The following FCER2 variants were observed in gnomAD, a reference collection of about 807,000 sequenced individuals.
The protein encoded by FCER2 is Fc epsilon receptor II, also known as low affinity immunoglobulin epsilon Fc receptor.
A neutral mutation model predicts 49.7 loss-of-function variants in FCER2; 38 were observed. The observed-to-expected ratio is 0.76, with a 90% CI of 0.59 to 1.00. FCER2 has a LOEUF of 1.00. Ranked by LOEUF, FCER2 falls within the 50% of genes least tolerant of loss-of-function variation. The pLI is 0.00. For synonymous variants in FCER2, 163 were observed against 164.6 expected (o/e 0.99, Z 0.07); for missense variants, 425 against 419.5 (o/e 1.01, Z -0.11).
At position 7,697,070 on chromosome 19, in the gene FCER2, C is replaced by G. The variant is rs1473665157; in HGVS notation, c.322G>C (p.Glu108Gln). 2 of 1,613,432 alleles carry G rather than the reference C, an allele frequency of 1.2e-6. No homozygotes were observed. The highest frequency in any genetic ancestry group is 4.5e-5 in the East Asian group (2 of 44,854). Residue 108 changes from glutamate to glutamine, a missense_variant, in exon 7 of 11, where the codon GAG (glutamate) becomes CAG (glutamine). Glu to Gln is a conservative substitution (Grantham distance 29). Transcript: ENST00000597921. Reference sequence around the variant, plus strand: ...AGCCCGTTCAGGTTCCAGGACAGCTCCAAGTCTGGTGTGTGCAGGAGCGCA... The same window carrying G: ...AGCCCGTTCAGGTTCCAGGACAGCTGCAAGTCTGGTGTGTGCAGGAGCGCA... ...EQQRLKSQDLELSWNLNGLQA... is the reference protein window; with the variant it reads ...EQQRLKSQDLQLSWNLNGLQA...
intron 8 of FCER2, among the ~76,000 whole-genome samples, chr19:7,695,714 C>G (rs2032992218): frequency 6.6e-6 from 1 of 152,050 alleles, no homozygotes. Context: ...TCCAGGAGTT[C>G]AAGACCAACC....
rs1240074986 is a variant in FCER2 at position 7,692,034 on chromosome 19, A to T, written c.470-1477T>A. 1.1e-4 allele frequency among the ~76,000 whole-genome samples: 17 copies of T among 151,674 alleles called. 4 individuals are homozygous for T. Among genetic ancestry groups the T allele is most frequent in the Admixed American group, 1.1e-3 (17 of 15,206 alleles). On this transcript the variant is annotated intron_variant, in intron 8 of 10. Coordinates refer to ENST00000597921, the MANE Select transcript of FCER2 (RefSeq NM_001220500.2). Reference sequence around the variant, plus strand: ...CATCAGCACGAATACATTCACGTCCAACAACACATCAACTACCAACACCAT... The same window carrying T: ...CATCAGCACGAATACATTCACGTCCTACAACACATCAACTACCAACACCAT...
At chr19:7,698,926 A>G in intron 2 of FCER2, 72 bp from the exon 3 acceptor site, 2 of 1,492,570 alleles carry the variant, frequency 1.3e-6, no homozygotes, top group Non-Finnish European at 1.8e-6. Context: ...TCTCTCCATT[A>G]CCCAGAGCCC....
At chr19:7,696,490 C>A (rs1245179109) in intron 8 of FCER2, among the ~76,000 whole-genome samples, 1 of 152,150 alleles carries the variant, frequency 6.6e-6, no homozygotes, top group East Asian at 1.9e-4. Context: ...CCCGCCTCGG[C>A]CTCTCAAAGT....
intron 8 of FCER2, among the ~76,000 whole-genome samples, chr19:7,692,541 A>G (rs76839380): frequency 0.26 from 29,242 of 110,940 alleles, 7,751 homozygotes; most frequent in African/African-American, 0.46. Flanking sequence ...CAACACCAGC[A>G]CCATGAACAC....
At chr19:7,700,168 G>A (rs1265341038) in intron 1 of FCER2, 1 of 184,070 alleles carries the variant, frequency 5.4e-6, no homozygotes, top group African/African-American at 2.4e-5. Context: ...CTATACTGTT[G>A]GTTGGTGATC....
chr19:7,689,906 C>T (rs1251705373), intron 10 of FCER2, among the ~76,000 whole-genome samples: 1 of 152,022 alleles, frequency 6.6e-6, no homozygotes, highest in Non-Finnish European at 1.5e-5. Context: ...ACGAGCCACC[C>T]TGCCCGGCCA....
intron 8 of FCER2, among the ~76,000 whole-genome samples, chr19:7,691,268 C>T (rs1388137699): frequency 2.0e-5 from 3 of 152,182 alleles, no homozygotes; most frequent in African/African-American, 7.2e-5. Context: ...TGGCCAGAAG[C>T]ACTTCAGTTG....
chr19:7,697,124 G>T, intron 6 of FCER2, 49 bp from the exon 7 acceptor site: 2 of 1,609,924 alleles, frequency 1.2e-6, no homozygotes, highest in Non-Finnish European at 8.5e-7. Flanking sequence ...ATGTGTACAG[G>T]CCGAGGGTGC....
chr19:7,689,818 C>T (rs1377694482), intron 10 of FCER2, among the ~76,000 whole-genome samples: 1 of 151,976 alleles, frequency 6.6e-6, no homozygotes, highest in East Asian at 1.9e-4. Flanking sequence ...GGGGTTTCGC[C>T]ATGTTGACCA....
chr19:7,689,478 C>G (rs2032799566), intron 10 of FCER2, 48 bp from the exon 11 acceptor site: 1 of 1,270,036 alleles, frequency 7.9e-7, no homozygotes, highest in South Asian at 1.3e-5. Context: ...GAGAAGGAGC[C>G]CAGTTCCCGG....
At position 7,698,724 on chromosome 19, in the gene FCER2, G is replaced by A; in HGVS notation, c.136+17C>T. 2.5e-6 allele frequency: 4 copies of A among 1,609,816 alleles called. No individual in the cohort carries two copies. The highest frequency in any genetic ancestry group is 2.5e-6 in the Non-Finnish European group (3 of 1,178,580). ...CCATGAGTTGGGGGGACCACATGGA[G>A]CTGGGGGTGTCCTCACGCCACAGGA... On this transcript the variant is annotated intron_variant, in intron 3 of 10. Transcript: ENST00000597921.
In FCER2 at chr19:7,699,735, C is replaced by G; in HGVS notation, c.22+4G>C. On this transcript the variant is annotated splice_donor_region_variant and intron_variant, in intron 2 of 10. Transcript: ENST00000597921. ...CCAACGTTAGAACCAGAGAGTCCTC[C>G]TACCTGAATATTGACCTTCCTCCAT... 6.2e-7 allele frequency: 1 copy of G among 1,613,768 alleles called. No homozygotes were observed. Among genetic ancestry groups the G allele is most frequent in the Non-Finnish European group, 8.5e-7 (1 of 1,179,698 alleles).
rs1463856756 is a variant in FCER2 at position 7,696,914 on chromosome 19, TC to T, written c.380-1del. The T allele has an allele frequency of 8.2e-6, 13 of 1,578,476 alleles. No individual in the cohort carries two copies. Among genetic ancestry groups the T allele is most frequent in the Non-Finnish European group, 1.1e-5 (13 of 1,161,208 alleles). On this transcript the variant is annotated splice_acceptor_variant, in intron 7 of 10. Transcript: ENST00000597921. LOFTEE classifies it high-confidence loss of function. ...TGAAGCTTCGTTCCTCTCGTTCAAT[TC>T]TTGGGGAGTCAACAAGGGGCGGTGC...
chr19:7,701,180 G>T (rs1357866999), intron 1 of FCER2, among the ~76,000 whole-genome samples: 1 of 152,192 alleles, frequency 6.6e-6, no homozygotes, highest in Non-Finnish European at 1.5e-5. Flanking sequence ...AGGCCTGGAG[G>T]TCACGGGCTA....
At chr19:7,699,981 G>T in intron 1 of FCER2, 136 bp from the exon 2 acceptor site, 1 of 598,816 alleles carries the variant, frequency 1.7e-6, no homozygotes, top group East Asian at 2.8e-5. Context: ...TCACTAGCGT[G>T]GTTAGCAGGG....
chr19:7,689,398 C>A lies in FCER2; in HGVS notation c.761G>T (p.Ser254Ile). 2 of 1,602,298 alleles carry A rather than the reference C, an allele frequency of 1.2e-6. No homozygotes were observed. The highest frequency in any genetic ancestry group is 3.4e-5 in the Admixed American group (2 of 58,738). The change falls in exon 11 of 11, where the codon AGC becomes ATC. Residue 254 changes from serine to isoleucine, a missense_variant. Physicochemically the swap from Ser to Ile is moderately radical, Grantham distance 142. Coordinates refer to ENST00000597921, the MANE Select transcript of FCER2 (RefSeq NM_001220500.2). ...NWAPGEPTSRSQGEDCVMMRG... is the reference protein window; with the variant it reads ...NWAPGEPTSRIQGEDCVMMRG... ...CATCATCACGCAGTCCTCGCCCTGG[C>A]TCCGGCTGGTGGGCTCCCCTGGAGC...
intron 8 of FCER2, 39 bp downstream of exon 8, chr19:7,696,786 A>G: frequency 6.8e-7 from 1 of 1,476,036 alleles, no homozygotes; most frequent in Non-Finnish European, 9.3e-7. Flanking sequence ...GCCCCAGGTG[A>G]GGTCACGCGT....
chr19:7,696,140 G>A (rs28731029), intron 8 of FCER2, among the ~76,000 whole-genome samples: 47,877 of 151,044 alleles, frequency 0.32, 7,919 homozygotes, highest in African/African-American at 0.41. Flanking sequence ...TCGCTCTGTC[G>A]CCAGGCTGGA....
Sources: gnomAD v4.1 joint callset for allele counts (sites outside exome capture counted in the v4.1 genomes callset) on GRCh38, gnomAD v4.1.1 for gene constraint, MANE v1.5 for transcripts, NCBI Gene and HGNC (gene_info 2026-07-23, HGNC 2026-07-21) for gene names.